Variants in OR4E2 observed in about 807,000 individuals in gnomAD.
The protein encoded by OR4E2 is olfactory receptor family 4 subfamily E member 2.
In OR4E2, 9 loss-of-function variants were observed where a neutral mutation model predicts 11.0. That is an observed-to-expected ratio of 0.82 (90% CI 0.49 to 1.43). The LOEUF (loss-of-function observed/expected upper bound fraction) is 1.43, where lower values mean the gene tolerates loss of function less well. Among genes scored for constraint, OR4E2 ranks in the 40% most tolerant of loss-of-function variants. The probability of loss-of-function intolerance (pLI) is 0.00; values close to 1 mark genes in which losing one functional copy is unlikely to be tolerated. For missense variants in OR4E2, 441 were observed against 382.0 expected, an observed-to-expected ratio of 1.15 and a Z score of -1.29; for synonymous variants, 159 against 147.3, an observed-to-expected ratio of 1.08 and a Z score of -0.57.
At chr14:21,660,081 G>T (rs1486631420) in intron 2 of OR4E2, among the ~76,000 whole-genome samples, 1 of 152,016 alleles carries the variant, frequency 6.6e-6, no homozygotes, top group African/African-American at 2.4e-5. Flanking sequence ...TGGCACCAGG[G>T]ACCAGTTTCA....
chr14:21,656,642 A>G (rs929330755), intron 2 of OR4E2, 53 bp downstream of exon 2: 6 of 152,226 alleles, frequency 3.9e-5, no homozygotes, highest in African/African-American at 1.4e-4. Context: ...GGGTCTGCAC[A>G]TGTATGCTCA....
chr14:21,658,357 T>TATCAGATCC (rs1353907170), intron 2 of OR4E2, among the ~76,000 whole-genome samples: 1 of 152,224 alleles, frequency 6.6e-6, no homozygotes, highest in African/African-American at 2.4e-5. Flanking sequence ...AGTTCTCTTA[T>TATCAGATCC]ATCAGATCCA....
At chr14:21,660,426 G>T (rs1461881902) in intron 2 of OR4E2, among the ~76,000 whole-genome samples, 1 of 152,118 alleles carries the variant, frequency 6.6e-6, no homozygotes, top group South Asian at 2.1e-4. Context: ...CCCCAGAGTG[G>T]GACTGTGTTT....
At chr14:21,655,741 C>T (rs1879907373) in intron 1 of OR4E2, among the ~76,000 whole-genome samples, 1 of 152,028 alleles carries the variant, frequency 6.6e-6, no homozygotes, top group Non-Finnish European at 1.5e-5. Flanking sequence ...GTTATATCCC[C>T]TAAAAGTGTG....
chr14:21,665,884 G>A lies in OR4E2; in HGVS notation c.802G>A (p.Asp268Asn). 1 of 1,609,616 alleles carries A rather than the reference G, an allele frequency of 6.2e-7. No homozygotes were observed. The highest frequency in any genetic ancestry group is 8.5e-7 in the Non-Finnish European group (1 of 1,177,936). Residue 268 changes from aspartate to asparagine, a missense_variant, in exon 4 of 4, where the codon GAC (aspartate) becomes AAC (asparagine). Asp to Asn is a conservative substitution (Grantham distance 23, BLOSUM62 1). Coordinates refer to ENST00000641524, the MANE Select transcript of OR4E2 (RefSeq NM_001001912.3). The stretch of plus-strand genomic sequence containing the variant: ...TCGGCCAGACACCAGCTTCTCCATT[G>A]ACAAGGTGGTGTCTGTCTTCTACAC... The part of the protein sequence containing the change: ...YTRPDTSFSI[D>N]KVVSVFYTVV...
rs1880576809 is a variant in OR4E2 at position 21,665,314 on chromosome 14, G to C, written c.232G>C (p.Val78Leu). The change falls in exon 4 of 4, where the codon GTG becomes CTG. Residue 78 changes from valine to leucine, a missense_variant. Physicochemically the swap from Val to Leu is conservative, Grantham distance 32. Transcript: ENST00000641524. ...FIDICHSSVT[V>L]PKMLEGLLLE... ...TGACATCTGCCACTCATCTGTCACT[G>C]TGCCTAAGATGTTGGAGGGTTTGCT... The C allele has an allele frequency of 1.2e-6, 2 of 1,613,976 alleles. No homozygotes were observed. Among genetic ancestry groups the C allele is most frequent in the Non-Finnish European group, 1.7e-6 (2 of 1,179,996 alleles).
intron 1 of OR4E2, among the ~76,000 whole-genome samples, chr14:21,656,289 A>G (rs1329271968): frequency 6.6e-6 from 1 of 152,012 alleles, no homozygotes; most frequent in Non-Finnish European, 1.5e-5. Context: ...AAGCCCAGGA[A>G]GTTGAGGCTG....
intron 3 of OR4E2, among the ~76,000 whole-genome samples, chr14:21,661,640 A>C (rs980651258): frequency 1.3e-5 from 2 of 152,234 alleles, no homozygotes; most frequent in Non-Finnish European, 2.9e-5. Flanking sequence ...AAACTTCTTT[A>C]AGTGGTTCTA....
rs1247730237 is a variant in OR4E2, at chr14:21,656,589, G to A, written c.-103G>A. ...CATCCCTGCACAACTGGAGAAAACT[G>A]GTAAGTTTTACCACTACCTGCGCTG... On this transcript the variant is annotated splice_region_variant and 5_prime_UTR_variant, in exon 2 of 4. Transcript: ENST00000641524. 2.0e-5 allele frequency: 3 copies of A among 152,128 alleles called. No individual in the cohort carries two copies. The highest frequency in any genetic ancestry group is 7.2e-5 in the African/African-American group (3 of 41,418). The allele number at this position is 152,128 out of a possible 1,614,324, so 9.4% of individuals were successfully genotyped here.
At chr14:21,663,185 T>TA (rs1277135946) in intron 3 of OR4E2, among the ~76,000 whole-genome samples, 1 of 152,028 alleles carries the variant, frequency 6.6e-6, no homozygotes, top group Non-Finnish European at 1.5e-5. Context: ...TTACTACTCT[T>TA]AAAAAAATTT....
chr14:21,665,433 T>C lies in OR4E2; in HGVS notation c.351T>C (p.Ile117=). 1 of 1,614,024 alleles carries C rather than the reference T, an allele frequency of 6.2e-7. No homozygotes were observed. ...GTGCCGAGATCTTTCTGCTGATCAT[T>C]ATGGCGTATGATCGTTACGTGGCTA... The part of the protein sequence containing the change: ...FACAEIFLLI[I]MAYDRYVAIC... Residue 117 remains isoleucine (I), a synonymous_variant, in exon 4 of 4, where the codon ATT becomes ATC. Coordinates refer to ENST00000641524, the MANE Select transcript of OR4E2 (RefSeq NM_001001912.3).
At chr14:21,656,295 G>C (rs1879946306) in intron 1 of OR4E2, among the ~76,000 whole-genome samples, 1 of 152,098 alleles carries the variant, frequency 6.6e-6, no homozygotes, top group Non-Finnish European at 1.5e-5. Flanking sequence ...AGGAAGTTGA[G>C]GCTGCAATGA....
chr14:21,655,574 G>C (rs1879895584), intron 1 of OR4E2, among the ~76,000 whole-genome samples: 1 of 152,198 alleles, frequency 6.6e-6, no homozygotes, highest in African/African-American at 2.4e-5. Context: ...TGGGAACGCT[G>C]AAGTGGGAGG....
chr14:21,665,890 G>A lies in OR4E2; in HGVS notation c.808G>A (p.Val270Met), dbSNP rs61732409. 1 of 1,610,300 alleles carries A rather than the reference G, an allele frequency of 6.2e-7. No homozygotes were observed. Among genetic ancestry groups the A allele is most frequent in the Non-Finnish European group, 8.5e-7 (1 of 1,178,340 alleles). The change falls in exon 4 of 4, where the codon GTG becomes ATG. Residue 270 changes from valine (V) to methionine (M), a missense_variant. Coordinates refer to ENST00000641524, the MANE Select transcript of OR4E2 (RefSeq NM_001001912.3). Reference sequence around the variant, plus strand: ...AGACACCAGCTTCTCCATTGACAAGGTGGTGTCTGTCTTCTACACAGTGGT... The same window carrying A: ...AGACACCAGCTTCTCCATTGACAAGATGGTGTCTGTCTTCTACACAGTGGT... Reference protein sequence around the residue: ...RPDTSFSIDKVVSVFYTVVTP... With the variant: ...RPDTSFSIDKMVSVFYTVVTP...
Position 21,653,906 on chromosome 14 carries a change from G to A in OR4E2, c.-224G>A, listed in dbSNP as rs1018584706. On this transcript the variant is annotated 5_prime_UTR_variant, in exon 1 of 4. Coordinates refer to ENST00000641524, the MANE Select transcript of OR4E2 (RefSeq NM_001001912.3). ...GCTTCTATAATAGGGTATCAGAGGC[G>A]AATGGAATCATTAGAGGAGATACAG... The A allele has an allele frequency of 1.3e-4, 20 of 152,118 alleles. No homozygotes were observed. Among genetic ancestry groups the A allele is most frequent in the Non-Finnish European group, 2.5e-4 (17 of 68,018 alleles). The allele number at this position is 152,118 out of a possible 1,614,324, so 9.4% of individuals were successfully genotyped here. A position where few individuals can be genotyped will look rare whatever the true frequency, so the allele number is the denominator to read the frequency against.
At position 21,665,850 on chromosome 14, in the gene OR4E2, C is replaced by T. The variant is rs940623915; in HGVS notation, c.768C>T (p.Phe256=). 1 of 1,610,340 alleles carries T rather than the reference C, an allele frequency of 6.2e-7. No homozygotes were observed. Among genetic ancestry groups the T allele is most frequent in the African/African-American group, 1.3e-5 (1 of 74,884 alleles). The change falls in exon 4 of 4, where the codon TTC becomes TTT. Residue 256 remains phenylalanine (F), a synonymous_variant. Transcript: ENST00000641524. ...CCCTCTTCTTTGGGCCATGTATCTT[C>T]ATCTATACTCGGCCAGACACCAGCT... ...VVALFFGPCI[F]IYTRPDTSFS...
chr14:21,655,685 T>A lies in OR4E2; in HGVS notation c.-190-817T>A, dbSNP rs140500170. ...AAGACTCTGTCCCTAAAAAAAGTTT[T>A]AAAAATTTTCTTAATACAAAACTTT... is the stretch of plus-strand genomic sequence containing the variant. On this transcript the variant is annotated intron_variant, in intron 1 of 3. Transcript: ENST00000641524. 2.4e-3 allele frequency among the ~76,000 whole-genome samples: 369 copies of A among 152,254 alleles called. 4 individuals carry two copies. The highest frequency in any genetic ancestry group is 8.4e-3 in the African/African-American group (351 of 41,564).
chr14:21,662,104 A>G (rs1219573603), intron 3 of OR4E2, among the ~76,000 whole-genome samples: 1 of 149,786 alleles, frequency 6.7e-6, no homozygotes, highest in Non-Finnish European at 1.5e-5. Context: ...ATTCATACTT[A>G]TTTGTCATTT....
At position 21,653,856 on chromosome 14, in the gene OR4E2, T is replaced by C. The variant is rs1328660994; in HGVS notation, c.-274T>C. ...CTAAAATTTACCCTGTGCAGAATTT[T>C]GAGTTTCATGATTTTATATCCTAGG... On this transcript the variant is annotated 5_prime_UTR_variant, in exon 1 of 4. Coordinates refer to ENST00000641524, the MANE Select transcript of OR4E2 (RefSeq NM_001001912.3). 1 of 152,218 alleles carries C rather than the reference T, an allele frequency of 6.6e-6. No individual in the cohort carries two copies. Among genetic ancestry groups the C allele is most frequent in the African/African-American group, 2.4e-5 (1 of 41,460 alleles). 9.4% of individuals were successfully genotyped at this position (152,218 alleles called of 1,614,324 possible).
Sources: gnomAD v4.1 joint callset for allele counts (sites outside exome capture counted in the v4.1 genomes callset) on GRCh38, gnomAD v4.1.1 for gene constraint, MANE v1.5 for transcripts, NCBI Gene and HGNC (gene_info 2026-07-23, HGNC 2026-07-21) for gene names.